Variants in DNAH5 observed in about 807,000 individuals in gnomAD.
The protein encoded by DNAH5 is axonemal beta dynein heavy chain 5.
In DNAH5, 372 loss-of-function variants were observed where a neutral mutation model predicts 518.2. That is an observed-to-expected ratio of 0.72 (90% CI 0.66 to 0.78). The LOEUF is 0.78. Ranked by LOEUF, DNAH5 falls within the 30% of genes least tolerant of loss-of-function variation. The pLI, the probability that DNAH5 is intolerant of heterozygous loss-of-function variation, is 0.00. For synonymous variants in DNAH5, 2,039 were observed against 2,025.9 expected (o/e 1.01, Z -0.17); for missense variants, 5,523 against 5,687.0 (o/e 0.97, Z 0.93).
intron 19 of DNAH5, 139 bp downstream of exon 19, chr5:13,884,850 T>G: frequency 7.4e-7 from 1 of 1,356,076 alleles, no homozygotes. Flanking sequence ...AATAAAAATT[T>G]AAAAAAAGAT....
chr5:13,997,190 C>A (rs922874170), intron 1 of DNAH5, among the ~76,000 whole-genome samples: 1 of 152,200 alleles, frequency 6.6e-6, no homozygotes, highest in African/African-American at 2.4e-5. Context: ...AATTTTCCAA[C>A]TTTTTAGGTT....
chr5:13,868,275 T>C (rs7727895), intron 24 of DNAH5, among the ~76,000 whole-genome samples: 8 of 151,984 alleles, frequency 5.3e-5, no homozygotes, highest in Admixed American at 2.0e-4. Context: ...CATAAACCAT[T>C]AGACAAATAA....
intron 71 of DNAH5, 26 bp downstream of exon 71, chr5:13,720,974 C>T (rs1744972658): frequency 6.2e-7 from 1 of 1,613,874 alleles, no homozygotes; most frequent in African/African-American, 1.3e-5. Flanking sequence ...AACAGCATGG[C>T]ACAAAAGTAG....
chr5:13,887,958 C>G (rs367919819), intron 17 of DNAH5, among the ~76,000 whole-genome samples: 1 of 152,166 alleles, frequency 6.6e-6, no homozygotes, highest in Non-Finnish European at 1.5e-5. Flanking sequence ...CTACCAAGCT[C>G]CATAATAGCT....
chr5:13,800,866 G>A (rs1377291197), intron 47 of DNAH5, among the ~76,000 whole-genome samples: 5 of 152,132 alleles, frequency 3.3e-5, no homozygotes, highest in Admixed American at 6.5e-5. Context: ...AAGTAGATAT[G>A]TTCGCTTATT....
chr5:13,942,285 T>C (rs1191817293), intron 1 of DNAH5, among the ~76,000 whole-genome samples: 1 of 152,058 alleles, frequency 6.6e-6, no homozygotes, highest in African/African-American at 2.4e-5. Flanking sequence ...AATTATAACA[T>C]AGCATCATTG....
At chr5:13,910,324 C>A (rs1340426939) in intron 12 of DNAH5, among the ~76,000 whole-genome samples, 1 of 152,152 alleles carries the variant, frequency 6.6e-6, no homozygotes, top group African/African-American at 2.4e-5. Flanking sequence ...ATGAGAGTAA[C>A]AAGAGCACCC....
chr5:13,824,353 T>G lies in DNAH5; in HGVS notation c.6445-20A>C. On this transcript the variant is annotated intron_variant, in intron 38 of 78. Transcript: ENST00000265104. ...ATGAACCTAGAGAATGTGAGATACA[T>G]TGGGCTTATTTTCAACATTAAAATA... The G allele has an allele frequency of 6.2e-7, 1 of 1,613,554 alleles. No homozygotes were observed. The highest frequency in any genetic ancestry group is 1.1e-5 in the South Asian group (1 of 91,078).
chr5:13,704,511 C>T (rs2126431719), intron 76 of DNAH5, among the ~76,000 whole-genome samples: 1 of 152,296 alleles, frequency 6.6e-6, no homozygotes, highest in Admixed American at 6.5e-5. Context: ...CTAATCTGCA[C>T]CACTCCTTTT....
At chr5:13,716,793 G>T in intron 73 of DNAH5, 103 bp from the exon 74 acceptor site, 1 of 808,750 alleles carries the variant, frequency 1.2e-6, no homozygotes, top group Non-Finnish European at 2.1e-6. Flanking sequence ...CATTCAGTCA[G>T]TCACTCTTCA....
intron 1 of DNAH5, among the ~76,000 whole-genome samples, chr5:13,943,298 A>G (rs1028983583): frequency 6.6e-6 from 1 of 152,226 alleles, no homozygotes; most frequent in Admixed American, 6.5e-5. Flanking sequence ...TTTAAAATGG[A>G]GAGAACTCGC....
In DNAH5 at chr5:13,807,704, G is replaced by A. The variant is rs200922851; in HGVS notation, c.7774C>T (p.Gln2592Ter). 1.2e-6 allele frequency: 2 copies of A among 1,606,960 alleles called. No homozygotes were observed. Among genetic ancestry groups the A allele is most frequent in the Non-Finnish European group, 1.7e-6 (2 of 1,175,664 alleles). ...ATTATTACTGTTTTGGCTGTTCCTT[G>A]TTCACCAATTAATAGCACAGCCTAA... is the stretch of plus-strand genomic sequence containing the variant. ...QGKAVLLIGE[Q>*]GTAKTVIIKG... Residue 2592 changes from glutamine to a stop codon, truncating the protein, a stop_gained, in exon 47 of 79, where the codon CAA becomes TAA. Coordinates refer to ENST00000265104, the MANE Select transcript of DNAH5 (RefSeq NM_001369.3). LOFTEE classifies it high-confidence loss of function.
intron 27 of DNAH5, among the ~76,000 whole-genome samples, 155 bp downstream of exon 27, chr5:13,865,513 A>C (rs1196590491): frequency 1.3e-5 from 2 of 152,224 alleles, no homozygotes; most frequent in African/African-American, 4.8e-5. Flanking sequence ...AGTAATTAAT[A>C]AATAGCATTT....
chr5:13,926,624 A>G (rs780854588), intron 3 of DNAH5, among the ~76,000 whole-genome samples: 14 of 152,356 alleles, frequency 9.2e-5, no homozygotes, highest in African/African-American at 3.4e-4. Context: ...TGAAATGACT[A>G]TAGAATTTTT....
chr5:13,801,493 A>AC (rs991009395), intron 47 of DNAH5, among the ~76,000 whole-genome samples: 25 of 152,274 alleles, frequency 1.6e-4, no homozygotes, highest in African/African-American at 6.0e-4. Flanking sequence ...TCAACCAATC[A>AC]CAAGTTCTGG....
chr5:13,753,646 T>C (rs920883462), intron 62 of DNAH5, 97 bp from the exon 63 acceptor site: 15 of 1,128,610 alleles, frequency 1.3e-5, no homozygotes, highest in Non-Finnish European at 1.8e-5. Context: ...ACAATAATTC[T>C]TTTAAACTAA....
chr5:13,972,173 C>A (rs911834400), intron 1 of DNAH5, among the ~76,000 whole-genome samples: 2 of 152,144 alleles, frequency 1.3e-5, no homozygotes, highest in African/African-American at 4.8e-5. Context: ...CTACCGTGGG[C>A]CCCCAACAGC....
chr5:13,879,084 C>T (rs1013696325), intron 21 of DNAH5, among the ~76,000 whole-genome samples: 3 of 152,028 alleles, frequency 2.0e-5, no homozygotes, highest in African/African-American at 7.2e-5. Context: ...TCTGGTTAGT[C>T]GAAATAGTGA....
In DNAH5 at chr5:13,780,751, T is replaced by G. The variant is rs961204097; in HGVS notation, c.8951+78A>C. On this transcript the variant is annotated intron_variant, in intron 53 of 78. Transcript: ENST00000265104. The stretch of plus-strand genomic sequence containing the variant: ...TGTGACTCTTTATATGTAAGAGAAA[T>G]GCATTTGAACTTCAGGTGGCCTCTG... 2.0e-6 allele frequency: 3 copies of G among 1,488,856 alleles called. No homozygotes were observed. The African/African-American group carries it at 4.2e-5, about 21-fold the overall frequency. 92.2% of individuals were successfully genotyped at this position (1,488,856 alleles called of 1,614,324 possible).
Sources: allele counts gnomAD v4.1 joint callset (sites outside exome capture counted in the v4.1 genomes callset), GRCh38; gene constraint gnomAD v4.1.1; transcripts MANE v1.5; gene names NCBI Gene and HGNC (gene_info 2026-07-23, HGNC 2026-07-21).